Variants in KCNH1 observed in about 807,000 individuals in gnomAD.
KCNH1 encodes voltage-gated delayed rectifier potassium channel KCNH1.
In KCNH1, 27 loss-of-function variants were observed where a neutral mutation model predicts 69.2. The observed-to-expected ratio is 0.39, with a 90% confidence interval of 0.29 to 0.54. The LOEUF (loss-of-function observed/expected upper bound fraction) is 0.54. KCNH1 is among the 20% of genes least tolerant of loss of function. KCNH1 has a pLI of 0.68. For missense variants in KCNH1, 798 were observed against 1,261.6 expected (o/e 0.63, Z 5.57); for synonymous variants, 456 against 487.7 (o/e 0.93, Z 0.86).
chr1:211,127,670 G>T (rs1691805504), intron 1 of KCNH1, among the ~76,000 whole-genome samples: 1 of 152,134 alleles, frequency 6.6e-6, no homozygotes, highest in Non-Finnish European at 1.5e-5. Flanking sequence ...GTACTAGATT[G>T]TTTGGGCAAC....
At chr1:210,797,450 G>T (rs1260076714) in intron 9 of KCNH1, 58 bp downstream of exon 9, 30 of 1,587,912 alleles carry the variant, frequency 1.9e-5, no homozygotes, top group Middle Eastern at 1.7e-4. Flanking sequence ...GCATTGAGCT[G>T]CCCAGAAGCT....
chr1:211,065,813 A>C (rs2102453301), intron 5 of KCNH1, among the ~76,000 whole-genome samples: 1 of 152,260 alleles, frequency 6.6e-6, no homozygotes, highest in South Asian at 2.1e-4. Context: ...TATTCCCAGA[A>C]CTTTAGGAGG....
chr1:210,792,967 C>A (rs992444973), intron 9 of KCNH1, among the ~76,000 whole-genome samples: 6 of 152,080 alleles, frequency 3.9e-5, no homozygotes, highest in African/African-American at 1.4e-4. Flanking sequence ...GCTACTAGTA[C>A]TACTTGGATA....
chr1:211,033,606 C>G (rs927656372), intron 5 of KCNH1, among the ~76,000 whole-genome samples: 1 of 152,160 alleles, frequency 6.6e-6, no homozygotes, highest in Admixed American at 6.5e-5. Context: ...GAGTTCATGT[C>G]CTTTGTAGGG....
intron 6 of KCNH1, among the ~76,000 whole-genome samples, chr1:210,964,568 T>C (rs1688362358): frequency 6.6e-6 from 1 of 152,180 alleles, no homozygotes; most frequent in African/African-American, 2.4e-5. Context: ...GTCGAATGCC[T>C]GAATAGACCA....
chr1:211,101,446 T>C (rs1691255841), intron 3 of KCNH1, among the ~76,000 whole-genome samples: 2 of 152,172 alleles, frequency 1.3e-5, no homozygotes, highest in South Asian at 2.1e-4. Context: ...GAAAACAACA[T>C]TATCTGCATC....
At chr1:210,741,787 G>A (rs1393993348) in intron 10 of KCNH1, among the ~76,000 whole-genome samples, 1 of 152,126 alleles carries the variant, frequency 6.6e-6, no homozygotes, top group African/African-American at 2.4e-5. Flanking sequence ...AACCGACAGG[G>A]GCAGCCTGGG....
chr1:210,988,957 G>T, intron 6 of KCNH1, among the ~76,000 whole-genome samples: 1 of 152,218 alleles, frequency 6.6e-6, no homozygotes, highest in East Asian at 1.9e-4. Flanking sequence ...CTTGGAAACT[G>T]ACATGCTTAT....
intron 6 of KCNH1, among the ~76,000 whole-genome samples, chr1:211,002,879 A>G (rs1408280201): frequency 6.6e-6 from 1 of 152,164 alleles, no homozygotes; most frequent in Non-Finnish European, 1.5e-5. Flanking sequence ...AGCAAAGAGA[A>G]TGTCAAGTTA....
At position 210,797,992 on chromosome 1, in the gene KCNH1, G is replaced by A. The variant is rs942143448; in HGVS notation, c.1663-232C>T. 4.6e-5 allele frequency among the ~76,000 whole-genome samples: 7 copies of A among 151,522 alleles called. No homozygotes were observed. In the East Asian group the frequency reaches 1.2e-3, roughly 25 times the overall value. On this transcript the variant is annotated intron_variant, in intron 8 of 10. Transcript: ENST00000271751. Reference sequence around the variant, plus strand: ...CTGAGAATCAGCACTGGGAGTAAGTGGGACCCCTGTAGATCAGTGGTCAGA... The same window carrying A: ...CTGAGAATCAGCACTGGGAGTAAGTAGGACCCCTGTAGATCAGTGGTCAGA...
intron 7 of KCNH1, among the ~76,000 whole-genome samples, chr1:210,887,594 AC>A (rs768807474): frequency 6.6e-6 from 1 of 152,132 alleles, no homozygotes; most frequent in Non-Finnish European, 1.5e-5. Flanking sequence ...AAAGACACAG[AC>A]TGGCAAATTG....
intron 6 of KCNH1, among the ~76,000 whole-genome samples, chr1:210,922,198 G>A (rs953124332): frequency 4.0e-5 from 6 of 151,676 alleles, no homozygotes; most frequent in Admixed American, 2.6e-4. Context: ...TGGCTAACAT[G>A]GTGAAACCCT....
chr1:211,039,782 T>C (rs934793377), intron 5 of KCNH1, among the ~76,000 whole-genome samples: 1 of 152,216 alleles, frequency 6.6e-6, no homozygotes, highest in Non-Finnish European at 1.5e-5. Context: ...ACCCCCACTG[T>C]GTCTAGGAAG....
chr1:211,008,592 A>T (rs1689329426), intron 6 of KCNH1, among the ~76,000 whole-genome samples: 1 of 152,262 alleles, frequency 6.6e-6, no homozygotes. Context: ...CATTCCACTT[A>T]TCTGTACTTC....
chr1:211,005,559 A>T (rs952366833), intron 6 of KCNH1, among the ~76,000 whole-genome samples: 1 of 152,174 alleles, frequency 6.6e-6, no homozygotes, highest in Admixed American at 6.5e-5. Flanking sequence ...TACCCATCTG[A>T]GGAAAAAATA....
At chr1:210,715,781 G>A (rs1037410919) in intron 10 of KCNH1, among the ~76,000 whole-genome samples, 5 of 152,084 alleles carry the variant, frequency 3.3e-5, no homozygotes, top group Admixed American at 3.3e-4. Context: ...GAAGGGAAAC[G>A]CTCTCTGAGT....
At chr1:211,123,975 G>C (rs1351768257) in intron 1 of KCNH1, among the ~76,000 whole-genome samples, 4 of 152,068 alleles carry the variant, frequency 2.6e-5, no homozygotes, top group African/African-American at 7.2e-5. Context: ...TGAGGAAAGT[G>C]GCCACTCAAT....
chr1:210,911,930 C>T (rs1179929154), intron 7 of KCNH1, among the ~76,000 whole-genome samples: 1 of 152,144 alleles, frequency 6.6e-6, no homozygotes, highest in Non-Finnish European at 1.5e-5. Flanking sequence ...TACTCTGCAT[C>T]CCCCGACCAA....
At chr1:211,073,796 A>G (rs571805767) in intron 5 of KCNH1, among the ~76,000 whole-genome samples, 1 of 152,142 alleles carries the variant, frequency 6.6e-6, no homozygotes, top group South Asian at 2.1e-4. Flanking sequence ...CTGCTTTAGG[A>G]AACTAAAAAA....
Sources: allele counts gnomAD v4.1 joint callset (sites outside exome capture counted in the v4.1 genomes callset), GRCh38; gene constraint gnomAD v4.1.1; transcripts MANE v1.5; gene names NCBI Gene and HGNC (gene_info 2026-07-23, HGNC 2026-07-21).